SPAG16: variants seen among roughly 807,000 people sequenced by gnomAD.
The protein encoded by SPAG16 is sperm associated antigen 16, also known as sperm-associated antigen 16 protein.
Under a neutral mutation model 80.4 loss-of-function variants are expected in SPAG16, and 86 were observed. That is an observed-to-expected ratio of 1.07 (90% CI 0.90 to 1.28). The LOEUF (loss-of-function observed/expected upper bound fraction) is 1.28, where lower values mean the gene tolerates loss of function less well. Among genes scored for constraint, SPAG16 ranks in the 50% most tolerant of loss-of-function variants. SPAG16 has a pLI of 0.00. For synonymous variants in SPAG16, 294 were observed against 265.9 expected, an observed-to-expected ratio of 1.11 and a Z score of -1.03; for missense variants, 870 against 765.3, an observed-to-expected ratio of 1.14 and a Z score of -1.61.
chr2:214,103,849 G>C lies in SPAG16; in HGVS notation c.1528-4347G>C, dbSNP rs541346136. On this transcript the variant is annotated intron_variant, in intron 13 of 15. Transcript: ENST00000331683. ...TGTACCTTGTGGGTACAGAAGGAAAGGGGTTATGTACCACGAGAAAGGAAA... is the reference window on the plus strand; with the variant it reads ...TGTACCTTGTGGGTACAGAAGGAAACGGGTTATGTACCACGAGAAAGGAAA... Among the ~76,000 whole-genome samples, 19 of 152,142 alleles carry C rather than the reference G, an allele frequency of 1.2e-4. No homozygotes were observed. In the East Asian group the frequency reaches 3.7e-3, roughly 29 times the overall value.
intron 10 of SPAG16, among the ~76,000 whole-genome samples, chr2:213,737,147 ATC>A (rs1236313479): frequency 6.6e-6 from 1 of 152,174 alleles, no homozygotes; most frequent in African/African-American, 2.4e-5. Context: ...TCTATAGAAA[ATC>A]TATGAATTGT....
intron 9 of SPAG16, among the ~76,000 whole-genome samples, chr2:213,390,909 A>G (rs2067715148): frequency 6.6e-6 from 1 of 152,200 alleles, no homozygotes; most frequent in Admixed American, 6.5e-5. Context: ...ATAAGGTATG[A>G]ATGAGTTTTC....
chr2:214,145,021 G>T (rs1379241176), intron 14 of SPAG16, among the ~76,000 whole-genome samples: 1 of 151,920 alleles, frequency 6.6e-6, no homozygotes, highest in African/African-American at 2.4e-5. Flanking sequence ...TTAGGATAAT[G>T]CCCAAGTTTG....
At chr2:213,917,594 G>A (rs1004055140) in intron 11 of SPAG16, among the ~76,000 whole-genome samples, 2 of 152,020 alleles carry the variant, frequency 1.3e-5, no homozygotes, top group African/African-American at 4.8e-5. Flanking sequence ...TTGGTATATA[G>A]AAATGCTAGT....
chr2:213,933,851 C>A (rs1480607581), intron 12 of SPAG16, among the ~76,000 whole-genome samples: 1 of 152,182 alleles, frequency 6.6e-6, no homozygotes, highest in Non-Finnish European at 1.5e-5. Context: ...TGCCTGGAAG[C>A]AACTATATTA....
intron 10 of SPAG16, among the ~76,000 whole-genome samples, chr2:213,637,477 C>T (rs1284093379): frequency 6.6e-6 from 1 of 152,116 alleles, no homozygotes; most frequent in Non-Finnish European, 1.5e-5. Flanking sequence ...GGAGGATTTT[C>T]TCTTTCTGTA....
chr2:214,283,118 TTAA>T (rs1693085269), intron 15 of SPAG16, among the ~76,000 whole-genome samples: 1 of 152,076 alleles, frequency 6.6e-6, no homozygotes, highest in Non-Finnish European at 1.5e-5. Context: ...GTGATAATTA[TTAA>T]TAATTATTAA....
chr2:214,276,027 G>A (rs925909161), intron 15 of SPAG16, among the ~76,000 whole-genome samples: 1 of 152,146 alleles, frequency 6.6e-6, no homozygotes, highest in African/African-American at 2.4e-5. Context: ...TTGTTGAATT[G>A]ATCCCTTTAC....
At chr2:214,221,123 T>G (rs1179907606) in intron 15 of SPAG16, among the ~76,000 whole-genome samples, 4 of 152,194 alleles carry the variant, frequency 2.6e-5, no homozygotes, top group African/African-American at 9.6e-5. Flanking sequence ...TTTATCAGGT[T>G]CAGGTTCTTT....
chr2:213,363,263 T>C (rs1339403654), intron 7 of SPAG16, among the ~76,000 whole-genome samples: 1 of 152,124 alleles, frequency 6.6e-6, no homozygotes, highest in Non-Finnish European at 1.5e-5. Context: ...CTATTCTAAA[T>C]AAAAAGTTTA....
In SPAG16 at chr2:213,939,044, T is replaced by C. The variant is rs2079099400; in HGVS notation, c.1400+8899T>C. ...CATCTTCAGTCAAGGAACCATGGAA[T>C]AATCTTTGGTCTCCACACAATCTAG... On this transcript the variant is annotated intron_variant, in intron 12 of 15. Transcript: ENST00000331683. 2.0e-5 allele frequency among the ~76,000 whole-genome samples: 3 copies of C among 152,132 alleles called. No individual in the cohort carries two copies. In the South Asian group the frequency reaches 6.2e-4, roughly 31 times the overall value.
At chr2:213,677,850 T>C (rs980957811) in intron 10 of SPAG16, among the ~76,000 whole-genome samples, 1 of 152,060 alleles carries the variant, frequency 6.6e-6, no homozygotes, top group Non-Finnish European at 1.5e-5. Flanking sequence ...GATTCCAAAA[T>C]TGACCACATA....
At chr2:213,997,052 G>A (rs549289294) in intron 12 of SPAG16, among the ~76,000 whole-genome samples, 2 of 152,318 alleles carry the variant, frequency 1.3e-5, no homozygotes, top group African/African-American at 4.8e-5. Flanking sequence ...AAAATATTCT[G>A]TGTTTAAATT....
At chr2:213,359,550 C>T (rs1430269515) in intron 7 of SPAG16, among the ~76,000 whole-genome samples, 3 of 152,206 alleles carry the variant, frequency 2.0e-5, no homozygotes, top group African/African-American at 4.8e-5. Flanking sequence ...TAGCAGTGAG[C>T]AAGGCTCTGT....
chr2:214,336,974 A>T (rs192307239), intron 15 of SPAG16, among the ~76,000 whole-genome samples: 231 of 106,338 alleles, frequency 2.2e-3, no homozygotes, highest in South Asian at 0.014. Context: ...TTCTTCCAAT[A>T]TAACTGATCA....
chr2:213,338,884 G>A (rs2064526054), intron 5 of SPAG16, among the ~76,000 whole-genome samples: 1 of 152,134 alleles, frequency 6.6e-6, no homozygotes, highest in Non-Finnish European at 1.5e-5. Context: ...TGTGGTTGGG[G>A]GAGGTGGAGC....
intron 15 of SPAG16, among the ~76,000 whole-genome samples, chr2:214,389,970 A>T (rs1369739554): frequency 6.6e-6 from 1 of 152,128 alleles, no homozygotes; most frequent in African/African-American, 2.4e-5. Context: ...CTTCAAATTA[A>T]CCTTGGAGCC....
chr2:214,269,274 A>G (rs577354391), intron 15 of SPAG16, among the ~76,000 whole-genome samples: 3 of 152,036 alleles, frequency 2.0e-5, no homozygotes, highest in Non-Finnish European at 1.5e-5. Flanking sequence ...GATAAAATCA[A>G]TGGGACTTTT....
intron 10 of SPAG16, among the ~76,000 whole-genome samples, chr2:213,566,877 T>C (rs1576002461): frequency 6.6e-6 from 1 of 152,366 alleles, no homozygotes; most frequent in South Asian, 2.1e-4. Context: ...TTTAATAGAT[T>C]GTGACACCAA....
Sources: allele counts gnomAD v4.1 joint callset (sites outside exome capture counted in the v4.1 genomes callset), GRCh38; gene constraint gnomAD v4.1.1; transcripts MANE v1.5; gene names NCBI Gene and HGNC (gene_info 2026-07-23, HGNC 2026-07-21).